LRRC4C: variants seen among roughly 807,000 people sequenced by gnomAD.
LRRC4C encodes the protein leucine rich repeat containing 4C.
LRRC4C carries 5 observed loss-of-function variants against 33.6 expected under a neutral mutation model. The observed-to-expected ratio is 0.15, with a 90% CI of 0.08 to 0.31. The LOEUF (loss-of-function observed/expected upper bound fraction) is 0.31. Among genes scored for constraint, LRRC4C ranks in the 10% least tolerant of loss-of-function variants. The pLI, the probability that LRRC4C is intolerant of heterozygous loss-of-function variation, is 1.00. For synonymous variants in LRRC4C, 329 were observed against 302.0 expected (o/e 1.09, Z -0.93); for missense variants, 560 against 796.7 (o/e 0.70, Z 3.58).
intron 3 of LRRC4C, among the ~76,000 whole-genome samples, chr11:40,537,772 G>A (rs1312376943): frequency 6.6e-6 from 1 of 151,982 alleles, no homozygotes; most frequent in African/African-American, 2.4e-5. Context: ...TAGTTCCCTG[G>A]GAAAGGAAAG....
At chr11:40,158,180 G>T (rs186252886) in intron 5 of LRRC4C, among the ~76,000 whole-genome samples, 4 of 152,104 alleles carry the variant, frequency 2.6e-5, no homozygotes, top group Non-Finnish European at 5.9e-5. Flanking sequence ...ACCATACATC[G>T]TATGTTCTCA....
intron 3 of LRRC4C, among the ~76,000 whole-genome samples, chr11:40,615,642 G>T (rs914574861): frequency 2.0e-5 from 3 of 151,708 alleles, no homozygotes; most frequent in Admixed American, 1.3e-4. Flanking sequence ...AAAGGTGAGG[G>T]CATTTTAATT....
intron 3 of LRRC4C, among the ~76,000 whole-genome samples, chr11:40,370,676 G>C (rs1476529293): frequency 6.6e-6 from 1 of 152,126 alleles, no homozygotes; most frequent in Admixed American, 6.5e-5. Flanking sequence ...TCTGCAACAA[G>C]AGGTAAAACA....
intron 3 of LRRC4C, among the ~76,000 whole-genome samples, chr11:40,320,369 G>A (rs1200383962): frequency 1.3e-5 from 2 of 152,082 alleles, no homozygotes; most frequent in African/African-American, 4.8e-5. Context: ...GCCAGGTATG[G>A]TGGTGGGCGC....
chr11:41,346,023 G>A (rs1158039874), intron 1 of LRRC4C, among the ~76,000 whole-genome samples: 2 of 152,100 alleles, frequency 1.3e-5, no homozygotes, highest in Non-Finnish European at 2.9e-5. Flanking sequence ...AGGAACACAT[G>A]GATAGAAGGA....
chr11:40,776,671 A>G lies in LRRC4C; in HGVS notation c.-406-128393T>C, dbSNP rs558427525. 1.7e-4 allele frequency among the ~76,000 whole-genome samples: 26 copies of G among 151,990 alleles called. No homozygotes were observed. The South Asian group carries it at 3.7e-3, about 22-fold the overall frequency. Reference sequence around the variant, plus strand: ...CTATCAATCTTGTTTATACTTTCCAAAGAAATTTTTGGTTTGGTTAACTTA... The same window carrying G: ...CTATCAATCTTGTTTATACTTTCCAGAGAAATTTTTGGTTTGGTTAACTTA... On this transcript the variant is annotated intron_variant, in intron 2 of 6. Coordinates refer to ENST00000528697, the MANE Select transcript of LRRC4C (RefSeq NM_001258419.2).
chr11:41,419,940 A>C (rs1199956659), intron 1 of LRRC4C, among the ~76,000 whole-genome samples: 1 of 151,836 alleles, frequency 6.6e-6, no homozygotes, highest in African/African-American at 2.4e-5. Flanking sequence ...AAAAATCTAA[A>C]CTAAAGCAGC....
In LRRC4C at chr11:40,633,345, CTT is replaced by C. The variant is rs1354038103; in HGVS notation, c.-270+14795_-270+14796del. 1.3e-3 allele frequency among the ~76,000 whole-genome samples: 50 copies of C among 39,112 alleles called. 1 individual carries two copies. Among genetic ancestry groups the C allele is most frequent in the Non-Finnish European group, 2.9e-4 (6 of 20,598 alleles). 25.7% of individuals were successfully genotyped at this position (39,112 alleles called of 152,430 possible). A position where few individuals can be genotyped will look rare whatever the true frequency, so the allele number is the denominator to read the frequency against. On this transcript the variant is annotated intron_variant, in intron 3 of 6. Coordinates refer to ENST00000528697, the MANE Select transcript of LRRC4C (RefSeq NM_001258419.2). The stretch of plus-strand genomic sequence containing the variant: ...TTTCTTTTTCTTTCTTTCTTTCTTT[CTT>C]TCTTTCTTTCTTTCTTTCTTTCTTT...
intron 1 of LRRC4C, among the ~76,000 whole-genome samples, chr11:41,164,531 A>T (rs1421068139): frequency 6.6e-6 from 1 of 152,194 alleles, no homozygotes; most frequent in East Asian, 1.9e-4. Context: ...ATTTTCAAGT[A>T]CTATATACTG....
chr11:40,425,135 A>G (rs1950663698), intron 3 of LRRC4C, among the ~76,000 whole-genome samples: 1 of 152,116 alleles, frequency 6.6e-6, no homozygotes, highest in Non-Finnish European at 1.5e-5. Flanking sequence ...GGGAAAAAAA[A>G]AAAGAACCCT....
chr11:41,312,782 A>G (rs1008968331), intron 1 of LRRC4C, among the ~76,000 whole-genome samples: 1 of 152,216 alleles, frequency 6.6e-6, no homozygotes, highest in African/African-American at 2.4e-5. Context: ...CAGAGTCTCA[A>G]GTAACAAAGA....
chr11:40,618,696 T>A (rs1962127086), intron 3 of LRRC4C, among the ~76,000 whole-genome samples: 1 of 151,776 alleles, frequency 6.6e-6, no homozygotes, highest in East Asian at 1.9e-4. Context: ...CCTCACTATG[T>A]GAGTAATAAT....
chr11:40,425,262 A>G (rs1950668895), intron 3 of LRRC4C, among the ~76,000 whole-genome samples: 1 of 152,082 alleles, frequency 6.6e-6, no homozygotes, highest in African/African-American at 2.4e-5. Flanking sequence ...TCTGGACTAG[A>G]GGTTGCTTTA....
intron 1 of LRRC4C, among the ~76,000 whole-genome samples, chr11:41,339,367 T>C (rs1951557510): frequency 6.6e-6 from 1 of 152,244 alleles, no homozygotes; most frequent in Admixed American, 6.5e-5. Context: ...GGATAGGCAC[T>C]GTATATATCA....
intron 3 of LRRC4C, among the ~76,000 whole-genome samples, chr11:40,493,883 C>T (rs1034667830): frequency 2.6e-5 from 4 of 152,126 alleles, no homozygotes; most frequent in African/African-American, 9.7e-5. Context: ...TGTTCTCCAT[C>T]CTACTCTAAA....
chr11:41,247,964 G>A (rs1565515737), intron 1 of LRRC4C, among the ~76,000 whole-genome samples: 1 of 152,084 alleles, frequency 6.6e-6, no homozygotes, highest in East Asian at 1.9e-4. Flanking sequence ...AATGTCAAAC[G>A]ATGTCTGAGA....
chr11:40,214,328 C>A (rs181634871), intron 5 of LRRC4C, among the ~76,000 whole-genome samples: 1 of 152,070 alleles, frequency 6.6e-6, no homozygotes, highest in Non-Finnish European at 1.5e-5. Context: ...TCCATTCTTG[C>A]GAGACTGTCT....
At chr11:41,340,165 C>T (rs1021821892) in intron 1 of LRRC4C, among the ~76,000 whole-genome samples, 7 of 152,068 alleles carry the variant, frequency 4.6e-5, no homozygotes, top group Non-Finnish European at 8.8e-5. Flanking sequence ...ACACAGAGGA[C>T]GAAAGAATTG....
chr11:40,157,047 G>A (rs1300501519), intron 5 of LRRC4C, among the ~76,000 whole-genome samples: 1 of 152,120 alleles, frequency 6.6e-6, no homozygotes, highest in African/African-American at 2.4e-5. Flanking sequence ...AAACAGAGTG[G>A]TACTGGTATG....
Sources: allele counts gnomAD v4.1 joint callset (sites outside exome capture counted in the v4.1 genomes callset), GRCh38; gene constraint gnomAD v4.1.1; transcripts MANE v1.5; gene names NCBI Gene and HGNC (gene_info 2026-07-23, HGNC 2026-07-21).